Variants in WASHC2C observed in about 807,000 individuals in gnomAD.
The protein encoded by WASHC2C is WASH complex subunit 2C.
WASHC2C carries 73 observed loss-of-function variants against 142.2 expected under a neutral mutation model. The ratio of observed to expected loss-of-function variants is 0.51; its 90% confidence interval spans 0.43 to 0.62. The LOEUF is 0.62. WASHC2C is among the 20% of genes least tolerant of loss of function. The probability of loss-of-function intolerance (pLI) is 0.00; values close to 1 mark genes in which losing one functional copy is unlikely to be tolerated. For synonymous variants in WASHC2C, 337 were observed against 565.5 expected, an observed-to-expected ratio of 0.60 and a Z score of 5.73; for missense variants, 969 against 1,531.7, an observed-to-expected ratio of 0.63 and a Z score of 6.13.
upstream of WASHC2C, chr10:45,727,165 G>T: frequency 6.9e-7 from 1 of 1,446,768 alleles, no homozygotes; most frequent in Non-Finnish European, 9.0e-7. Flanking sequence ...CCTCAGCATC[G>T]CAGGTCGGAT....
At chr10:45,761,748 TC>T (rs2055123316) in intron 17 of WASHC2C, among the ~76,000 whole-genome samples, 1 of 152,148 alleles carries the variant, frequency 6.6e-6, no homozygotes, top group African/African-American at 2.4e-5. Context: ...CAGTTAAGGG[TC>T]CGAAACTGTG....
chr10:45,740,949 A>G (rs1211259485), intron 5 of WASHC2C, among the ~76,000 whole-genome samples: 4 of 150,664 alleles, frequency 2.7e-5, no homozygotes, highest in African/African-American at 9.8e-5. Context: ...CCACAGAACC[A>G]AACCCTTTTT....
intron 23 of WASHC2C, among the ~76,000 whole-genome samples, chr10:45,784,252 G>GTATA (rs71225139): frequency 0.088 from 3,494 of 39,720 alleles, 161 homozygotes; most frequent in Non-Finnish European, 0.11. Flanking sequence ...GTGTGTGTGT[G>GTATA]TATATATATA....
At chr10:45,730,138 A>G (rs2050366930) in intron 3 of WASHC2C, among the ~76,000 whole-genome samples, 1 of 134,930 alleles carries the variant, frequency 7.4e-6, no homozygotes, top group Non-Finnish European at 1.6e-5. Flanking sequence ...TGAGGTTGGG[A>G]GTTCGAGACC....
rs549006958 is a variant in WASHC2C at position 45,788,127 on chromosome 10, T to G, written c.3088-744T>G. ...TTCATTGGCTTTTTTTTTATTAAGT[T>G]TAAATTGGCAACTAAAATTGTGACA... is the stretch of plus-strand genomic sequence containing the variant. On this transcript the variant is annotated intron_variant, in intron 28 of 30. Transcript: ENST00000623400. 1.1e-4 allele frequency among the ~76,000 whole-genome samples: 17 copies of G among 152,306 alleles called. No individual in the cohort carries two copies. The South Asian group carries it at 3.5e-3, about 32-fold the overall frequency.
rs1489913846 is a variant in WASHC2C at position 45,744,618 on chromosome 10, G to A, written c.623-203G>A. On this transcript the variant is annotated intron_variant, in intron 6 of 30. Transcript: ENST00000623400. ...AGCAAGTTTTTTTTTTATTTGTAATGAATAATTTTTGGGGGGAGAGATACT... is the reference window on the plus strand; with the variant it reads ...AGCAAGTTTTTTTTTTATTTGTAATAAATAATTTTTGGGGGGAGAGATACT... 3.3e-5 allele frequency among the ~76,000 whole-genome samples: 5 copies of A among 152,178 alleles called. No homozygotes were observed. In the East Asian group the frequency reaches 9.6e-4, roughly 29 times the overall value.
At chr10:45,747,292 C>T (rs1554871557) in intron 8 of WASHC2C, among the ~76,000 whole-genome samples, 3 of 151,974 alleles carry the variant, frequency 2.0e-5, no homozygotes, top group African/African-American at 7.2e-5. Context: ...AGGTGCCCAC[C>T]ACCATGCTCA....
intron 17 of WASHC2C, among the ~76,000 whole-genome samples, chr10:45,761,619 G>A (rs543235759): frequency 5.9e-5 from 9 of 152,126 alleles, no homozygotes; most frequent in African/African-American, 1.2e-4. Context: ...AAAGGAATGC[G>A]TCCTGACTCC....
At chr10:45,790,657 A>T in intron 30 of WASHC2C, 124 bp downstream of exon 30, 1 of 822,112 alleles carries the variant, frequency 1.2e-6, no homozygotes, top group Non-Finnish European at 2.1e-6. Context: ...CTTCAGTGTA[A>T]TCCTGAGTTA....
chr10:45,751,719 T>C (rs1342746727), intron 11 of WASHC2C, among the ~76,000 whole-genome samples, 166 bp downstream of exon 11: 3 of 152,218 alleles, frequency 2.0e-5, no homozygotes, highest in African/African-American at 7.2e-5. Flanking sequence ...GGCTCACACA[T>C]GTAATCCCAG....
intron 19 of WASHC2C, 115 bp downstream of exon 19, chr10:45,765,925 G>T: frequency 6.9e-7 from 1 of 1,441,082 alleles, no homozygotes; most frequent in South Asian, 1.3e-5. Flanking sequence ...GTCACCAAAG[G>T]CGATGTTCAC....
chr10:45,730,873 C>T (rs567501933), intron 3 of WASHC2C, among the ~76,000 whole-genome samples: 1 of 152,134 alleles, frequency 6.6e-6, no homozygotes, highest in Non-Finnish European at 1.5e-5. Context: ...CCCACCTCGA[C>T]CTCCCAAAGT....
intron 21 of WASHC2C, among the ~76,000 whole-genome samples, chr10:45,773,891 CCAAAAAA>C (rs2056846822): frequency 6.0e-5 from 3 of 50,094 alleles, no homozygotes; most frequent in South Asian, 5.3e-4. Context: ...ATACTGCAGG[CCAAAAAA>C]AAAAAAAAAA....
At chr10:45,771,354 G>A (rs2056563055) in intron 20 of WASHC2C, among the ~76,000 whole-genome samples, 1 of 114,816 alleles carries the variant, frequency 8.7e-6, no homozygotes. Context: ...AACAGAGAGA[G>A]ACTCCATCTC....
At position 45,727,400 on chromosome 10, in the gene WASHC2C, C is replaced by G; in HGVS notation, c.4-17C>G. The G allele has an allele frequency of 6.2e-7, 1 of 1,610,976 alleles. No homozygotes were observed. Among genetic ancestry groups the G allele is most frequent in the Non-Finnish European group, 8.5e-7 (1 of 1,179,382 alleles). ...CGCCCTCAGGCTCAGCCTCTCTTCT[C>G]GTTTTTTTCGCTGCAGATGAACCGG... On this transcript the variant is annotated splice_polypyrimidine_tract_variant and intron_variant, in intron 1 of 30. Coordinates refer to ENST00000623400, the MANE Select transcript of WASHC2C (RefSeq NM_001330074.2).
Position 45,790,440 on chromosome 10 carries a change from G to T in WASHC2C, c.3793G>T (p.Asp1265Tyr). The part of the protein sequence containing the change: ...EKTLESNLFD[D>Y]NIDIFADLTV... Reference sequence around the variant, plus strand: ...AACATTGGAATCTAATTTATTTGATGATAACATTGATATCTTTGCTGACTT... The same window carrying T: ...AACATTGGAATCTAATTTATTTGATTATAACATTGATATCTTTGCTGACTT... Residue 1265 changes from aspartate to tyrosine, a missense_variant, in exon 30 of 31, where the codon GAT (aspartate) becomes TAT (tyrosine). Asp to Tyr is a radical substitution (Grantham distance 160). Transcript: ENST00000623400. 6.2e-7 allele frequency: 1 copy of T among 1,610,910 alleles called. No homozygotes were observed.
intron 3 of WASHC2C, among the ~76,000 whole-genome samples, chr10:45,731,917 C>T (rs2050650020): frequency 6.6e-6 from 1 of 151,472 alleles, no homozygotes; most frequent in Admixed American, 6.6e-5. Context: ...GCCTCAGCCT[C>T]CTGAGTAGCT....
chr10:45,784,907 A>C lies in WASHC2C; in HGVS notation c.2688+6A>C. On this transcript the variant is annotated splice_donor_region_variant and intron_variant, in intron 25 of 30. Coordinates refer to ENST00000623400, the MANE Select transcript of WASHC2C (RefSeq NM_001330074.2). ...CTGCCAAGTCCCAGCCTTTGGTACC[A>C]GCCTTTTGTTCTCAATACTGGGTTG... The C allele has an allele frequency of 1.9e-6, 3 of 1,599,822 alleles. No homozygotes were observed. Among genetic ancestry groups the C allele is most frequent in the Non-Finnish European group, 2.6e-6 (3 of 1,175,622 alleles).
rs554571150 is a variant in WASHC2C at position 45,741,276 on chromosome 10, T to G, written c.528+1030T>G. On this transcript the variant is annotated intron_variant, in intron 5 of 30. Transcript: ENST00000623400. ...ACCACTCTTCTAGTCATTCTGTAGC[T>G]GCACATTTCTCTTCCAGTTTGAGCT... 1.8e-3 allele frequency among the ~76,000 whole-genome samples: 273 copies of G among 152,284 alleles called. 2 individuals are homozygous for G. Among genetic ancestry groups the G allele is most frequent in the African/African-American group, 5.0e-3 (208 of 41,560 alleles).
Sources: gnomAD v4.1 joint callset for allele counts (sites outside exome capture counted in the v4.1 genomes callset) on GRCh38, gnomAD v4.1.1 for gene constraint, MANE v1.5 for transcripts, NCBI Gene and HGNC (gene_info 2026-07-23, HGNC 2026-07-21) for gene names.